Variants in CLASP2 observed in about 807,000 individuals in gnomAD.
CLASP2 encodes cytoplasmic linker associated protein 2.
In CLASP2, 47 loss-of-function variants were observed where a neutral mutation model predicts 194.4. The ratio of observed to expected loss-of-function variants is 0.24; its 90% CI spans 0.19 to 0.31. CLASP2 has a LOEUF of 0.31. Ranked by LOEUF, CLASP2 falls within the 10% of genes least tolerant of loss-of-function variation. CLASP2 has a pLI of 1.00. For missense variants in CLASP2, 1,445 were observed against 1,823.6 expected (o/e 0.79, Z 3.78); for synonymous variants, 619 against 633.5 (o/e 0.98, Z 0.34).
At chr3:33,609,351 T>C (rs1024715484) in intron 13 of CLASP2, among the ~76,000 whole-genome samples, 1 of 152,208 alleles carries the variant, frequency 6.6e-6, no homozygotes, top group African/African-American at 2.4e-5. Context: ...ATCTATGCAC[T>C]TGACAGTGAA....
In CLASP2 at chr3:33,665,050, G is replaced by A. The variant is rs148808243; in HGVS notation, c.645-1535C>T. Among the ~76,000 whole-genome samples the A allele has an allele frequency of 4.1e-4, 62 of 151,694 alleles. 1 individual carries two copies. In the East Asian group the frequency reaches 0.01, roughly 25 times the overall value. On this transcript the variant is annotated intron_variant, in intron 6 of 38. Coordinates refer to ENST00000682230, the MANE Select transcript of CLASP2 (RefSeq NM_001365631.1). ...TGGGAGACAGAAGTTGCAGTGAGCCGAGATCCTGACACTGCACACTCCAGC... is the reference window on the plus strand; with the variant it reads ...TGGGAGACAGAAGTTGCAGTGAGCCAAGATCCTGACACTGCACACTCCAGC...
chr3:33,503,215 G>C (rs957523080), intron 37 of CLASP2: 6 of 152,108 alleles, frequency 3.9e-5, no homozygotes, highest in African/African-American at 1.4e-4. Context: ...TAATATTTAT[G>C]ATTGGATAAT....
chr3:33,684,697 G>A (rs181500179), intron 5 of CLASP2, among the ~76,000 whole-genome samples: 1 of 152,180 alleles, frequency 6.6e-6, no homozygotes, highest in African/African-American at 2.4e-5. Context: ...TACTTATTAA[G>A]CTTTTAAAAA....
In CLASP2 at chr3:33,684,467, A is replaced by G; in HGVS notation, c.547-11T>C. ...TGCAGCATCTCTCACCTGTCAAAGA[A>G]TTCAGAACTTTTTAATAAACTTATA... On this transcript the variant is annotated splice_polypyrimidine_tract_variant and intron_variant, in intron 5 of 38. Transcript: ENST00000682230. The G allele has an allele frequency of 7.8e-6, 12 of 1,547,062 alleles. No homozygotes were observed. Among genetic ancestry groups the G allele is most frequent in the Non-Finnish European group, 8.8e-6 (10 of 1,136,000 alleles).
In CLASP2 at chr3:33,560,793, T is replaced by C; in HGVS notation, c.2930+15A>G. The C allele has an allele frequency of 1.9e-6, 3 of 1,608,658 alleles. No individual in the cohort carries two copies. The highest frequency in any genetic ancestry group is 2.5e-6 in the Non-Finnish European group (3 of 1,177,466). ...TATTATCAGGTTAACTTGAAATATA[T>C]GAAAAAAATATTACCTTGTAACATC... is the stretch of plus-strand genomic sequence containing the variant. On this transcript the variant is annotated intron_variant, in intron 28 of 38. Coordinates refer to ENST00000682230, the MANE Select transcript of CLASP2 (RefSeq NM_001365631.1).
chr3:33,530,138 T>A (rs1191711989), intron 34 of CLASP2, among the ~76,000 whole-genome samples: 2 of 151,048 alleles, frequency 1.3e-5, no homozygotes, highest in African/African-American at 2.4e-5. Context: ...AAAATAAGTA[T>A]GAGTACACTC....
At chr3:33,628,736 T>G (rs1471514928) in intron 9 of CLASP2, among the ~76,000 whole-genome samples, 1 of 152,038 alleles carries the variant, frequency 6.6e-6, no homozygotes, top group African/African-American at 2.4e-5. Flanking sequence ...AATCTCGGCA[T>G]TATCTAGATA....
chr3:33,646,836 A>C (rs2082353946), intron 7 of CLASP2, among the ~76,000 whole-genome samples: 1 of 152,214 alleles, frequency 6.6e-6, no homozygotes. Context: ...GCATCGTGTA[A>C]GTACCCTCGA....
chr3:33,688,508 T>C (rs1180054376), intron 3 of CLASP2, 140 bp from the exon 4 acceptor site: 1 of 662,038 alleles, frequency 1.5e-6, no homozygotes, highest in Non-Finnish European at 2.5e-6. Flanking sequence ...CTCCACTACT[T>C]ACAAGTTTTT....
At chr3:33,501,544 G>A in intron 38 of CLASP2, 108 bp downstream of exon 38, 1 of 666,720 alleles carries the variant, frequency 1.5e-6, no homozygotes. Flanking sequence ...GATGCTCAAA[G>A]CCTGACTTAT....
intron 7 of CLASP2, among the ~76,000 whole-genome samples, chr3:33,656,746 G>A (rs1445656232): frequency 6.6e-6 from 1 of 152,060 alleles, no homozygotes; most frequent in Non-Finnish European, 1.5e-5. Context: ...AAGACAAAAT[G>A]GTTATGATAT....
chr3:33,631,805 TC>T (rs2079136027), intron 9 of CLASP2, among the ~76,000 whole-genome samples: 1 of 151,088 alleles, frequency 6.6e-6, no homozygotes, highest in Non-Finnish European at 1.5e-5. Context: ...CATCCATCAA[TC>T]CAAATGAATG....
At chr3:33,695,741 A>C (rs766567139) in intron 2 of CLASP2, among the ~76,000 whole-genome samples, 46 of 152,236 alleles carry the variant, frequency 3.0e-4, no homozygotes, top group South Asian at 6.2e-4. Flanking sequence ...GGAATTCAAG[A>C]CCAGCCTGGG....
At chr3:33,610,434 A>G (rs576730509) in intron 13 of CLASP2, among the ~76,000 whole-genome samples, 1 of 152,304 alleles carries the variant, frequency 6.6e-6, no homozygotes, top group Non-Finnish European at 1.5e-5. Flanking sequence ...AGCATATGAC[A>G]TAGCTTTACA....
In CLASP2 at chr3:33,717,990, T is replaced by G; in HGVS notation, c.13A>C (p.Ser5Arg). Residue 5 changes from serine to arginine, a missense_variant, in exon 1 of 39, where the codon AGC becomes CGC. Physicochemically the swap from Ser to Arg is moderately radical, Grantham distance 110. Coordinates refer to ENST00000682230, the MANE Select transcript of CLASP2 (RefSeq NM_001365631.1). MEPR[S>R]MEYFCAQVQQ... is the part of the protein sequence containing the mutation. ...ACCTGGGCGCAGAAGTACTCCATGCTGCGGGGCTCCATGGCTGCGGCCGCC... is the reference window on the plus strand; with the variant it reads ...ACCTGGGCGCAGAAGTACTCCATGCGGCGGGGCTCCATGGCTGCGGCCGCC... The G allele has an allele frequency of 4.0e-6, 6 of 1,504,896 alleles. No individual in the cohort carries two copies. The South Asian group carries it at 6.3e-5, about 16-fold the overall frequency. The allele number at this position is 1,504,896 out of a possible 1,614,324, so 93.2% of individuals were successfully genotyped here.
intron 30 of CLASP2, among the ~76,000 whole-genome samples, chr3:33,548,564 G>T (rs184454930): frequency 3.3e-5 from 5 of 152,118 alleles, no homozygotes; most frequent in African/African-American, 1.2e-4. Flanking sequence ...CAAAGTGCTG[G>T]AATTACAGGC....
At chr3:33,535,167 T>C (rs888466979) in intron 34 of CLASP2, 66 bp downstream of exon 34, 2 of 1,099,182 alleles carry the variant, frequency 1.8e-6, no homozygotes, top group Non-Finnish European at 2.7e-6. Context: ...AGCATATGCA[T>C]TTCTTTTACT....
At chr3:33,520,986 G>A (rs2052900569) in intron 34 of CLASP2, among the ~76,000 whole-genome samples, 2 of 152,110 alleles carry the variant, frequency 1.3e-5, no homozygotes, top group South Asian at 4.2e-4. Context: ...ATGGATCCCT[G>A]AAGAAATGAT....
At chr3:33,677,129 T>C (rs1157037338) in intron 6 of CLASP2, among the ~76,000 whole-genome samples, 3 of 152,030 alleles carry the variant, frequency 2.0e-5, no homozygotes, top group African/African-American at 7.3e-5. Flanking sequence ...GTTCAACCAT[T>C]GTGGAAGTCA....
Sources: gnomAD v4.1 joint callset for allele counts (sites outside exome capture counted in the v4.1 genomes callset) on GRCh38, gnomAD v4.1.1 for gene constraint, MANE v1.5 for transcripts, NCBI Gene and HGNC (gene_info 2026-07-23, HGNC 2026-07-21) for gene names.